OR4A47: variants seen among roughly 807,000 people sequenced by gnomAD.
The protein encoded by OR4A47 is olfactory receptor 4A47.
OR4A47 carries 19 observed loss-of-function variants against 16.2 expected under a neutral mutation model. That is an observed-to-expected ratio of 1.17 (90% CI 0.82 to 1.72). The LOEUF (loss-of-function observed/expected upper bound fraction) is 1.72, where lower values mean the gene tolerates loss of function less well. Ranked by LOEUF, OR4A47 falls within the 40% of genes most tolerant of loss-of-function variation. The pLI is 0.00. For missense variants in OR4A47, 460 were observed against 361.1 expected, an observed-to-expected ratio of 1.27 and a Z score of -2.22; for synonymous variants, 180 against 136.0, an observed-to-expected ratio of 1.32 and a Z score of -2.25.
Position 48,489,333 on chromosome 11 carries a change from C to A in OR4A47, c.541C>A (p.Pro181Thr). Reference sequence around the variant, plus strand: ...TGATCATTTTTTCTGTGACATGTATCCCTTATTGAAACTGGTCTGCACTGA... The same window carrying A: ...TGATCATTTTTTCTGTGACATGTATACCTTATTGAAACTGGTCTGCACTGA... ...VIDHFFCDMY[P>T]LLKLVCTDTH... The change falls in exon 1 of 1, where the codon CCC becomes ACC. Residue 181 changes from proline (P) to threonine (T), a missense_variant. Transcript: ENST00000446524. 6.2e-7 allele frequency: 1 copy of A among 1,613,800 alleles called. No homozygotes were observed. Among genetic ancestry groups the A allele is most frequent in the African/African-American group, 1.3e-5 (1 of 74,994 alleles).
chr11:48,489,697 G>A lies in OR4A47; in HGVS notation c.905G>A (p.Arg302Lys), dbSNP rs763602585. The A allele has an allele frequency of 3.7e-6, 6 of 1,608,444 alleles. No individual in the cohort carries two copies. The East Asian group carries it at 8.9e-5, about 24-fold the overall frequency. Residue 302 changes from arginine (R) to lysine (K), a missense_variant, in exon 1 of 1, where the codon AGA becomes AAA. Transcript: ENST00000446524. The part of the protein sequence containing the change: ...MTSAMKKLWR[R>K]DLISSST Reference sequence around the variant, plus strand: ...AGTGCTATGAAGAAGCTCTGGAGAAGAGACCTCATATCAAGTAGTACATAA... The same window carrying A: ...AGTGCTATGAAGAAGCTCTGGAGAAAAGACCTCATATCAAGTAGTACATAA...
rs1414979135 is a variant in OR4A47, at chr11:48,489,145, A to G, written c.353A>G (p.Tyr118Cys). 2 of 1,613,812 alleles carry G rather than the reference A, an allele frequency of 1.2e-6. No homozygotes were observed. Among genetic ancestry groups the G allele is most frequent in the East Asian group, 2.2e-5 (1 of 44,872 alleles). Residue 118 changes from tyrosine to cysteine, a missense_variant, in exon 1 of 1, where the codon TAT (tyrosine) becomes TGT (cysteine). Coordinates refer to ENST00000446524, the MANE Select transcript of OR4A47 (RefSeq NM_001005512.2). ...GTCTTTCTCCTGTTGGTGATGGCCT[A>G]TGACTGCTATGTGGCCATCTGTAAG... ...SEVFLLLVMA[Y>C]DCYVAICKPL... is the part of the protein sequence containing the mutation.
Position 48,489,354 on chromosome 11 carries a change from A to G in OR4A47, c.562A>G (p.Thr188Ala). The G allele has an allele frequency of 3.1e-6, 5 of 1,613,798 alleles. No homozygotes were observed. The highest frequency in any genetic ancestry group is 4.2e-6 in the Non-Finnish European group (5 of 1,179,844). The change falls in exon 1 of 1, where the codon ACT becomes GCT. Residue 188 changes from threonine (T) to alanine (A), a missense_variant. Transcript: ENST00000446524. ...DMYPLLKLVCTDTHAIGLLVV... is the reference protein window; with the variant it reads ...DMYPLLKLVCADTHAIGLLVV... ...GTATCCCTTATTGAAACTGGTCTGC[A>G]CTGACACCCATGCTATTGGCCTCTT... is the stretch of plus-strand genomic sequence containing the variant.
chr11:48,489,009 T>C lies in OR4A47; in HGVS notation c.217T>C (p.Ser73Pro). ...ATCATTTATAGATATCATTTATTCT[T>C]CATCCATTTCCCCCAGATTGATTTC... ...GLSFIDIIYS[S>P]SISPRLISGL... The change falls in exon 1 of 1, where the codon TCA (serine) becomes CCA (proline). Residue 73 changes from serine to proline, a missense_variant. Transcript: ENST00000446524. 15 of 1,613,860 alleles carry C rather than the reference T, an allele frequency of 9.3e-6. No homozygotes were observed. Among genetic ancestry groups the C allele is most frequent in the Non-Finnish European group, 1.3e-5 (15 of 1,179,808 alleles).
At position 48,489,493 on chromosome 11, in the gene OR4A47, C is replaced by T. The variant is rs115159327; in HGVS notation, c.701C>T (p.Ala234Val). The T allele has an allele frequency of 1.5e-3, 2,472 of 1,613,800 alleles. 40 individuals are homozygous for T. The African/African-American group carries it at 0.029, about 19-fold the overall frequency. Residue 234 changes from alanine to valine, a missense_variant, in exon 1 of 1, where the codon GCC becomes GTC. By Grantham distance (64) the Ala-to-Val change is moderately conservative. Coordinates refer to ENST00000446524, the MANE Select transcript of OR4A47 (RefSeq NM_001005512.2). ...CTTAGTCAGAAAGGGAGGCAAAAAG[C>T]CCTCTCAACCTGCAGTTCCCACATG... The part of the protein sequence containing the change: ...KNLSQKGRQK[A>V]LSTCSSHMTV...
Position 48,488,990 on chromosome 11 carries a change from T to A in OR4A47, c.198T>A (p.Phe66Leu). 6.2e-7 allele frequency: 1 copy of A among 1,613,886 alleles called. No homozygotes were observed. Among genetic ancestry groups the A allele is most frequent in the Non-Finnish European group, 8.5e-7 (1 of 1,179,832 alleles). ...ACTTCTTTCTTGCTGGCTTATCATT[T>A]ATAGATATCATTTATTCTTCATCCA... Reference protein sequence around the residue: ...PMYFFLAGLSFIDIIYSSSIS... With the variant: ...PMYFFLAGLSLIDIIYSSSIS... The change falls in exon 1 of 1, where the codon TTT becomes TTA. Residue 66 changes from phenylalanine (F) to leucine (L), a missense_variant. Phe to Leu is a conservative substitution (Grantham distance 22). Transcript: ENST00000446524.
rs145304413 is a variant in OR4A47, at chr11:48,489,030, A to G, written c.238A>G (p.Ile80Val). ...TTCTTCATCCATTTCCCCCAGATTG[A>G]TTTCAGGCTTGTTCTTTGGGAATAA... ...IYSSSISPRL[I>V]SGLFFGNNSI... Residue 80 changes from isoleucine (I) to valine (V), a missense_variant, in exon 1 of 1, where the codon ATT (isoleucine) becomes GTT (valine). Coordinates refer to ENST00000446524, the MANE Select transcript of OR4A47 (RefSeq NM_001005512.2). The G allele has an allele frequency of 1.9e-6, 3 of 1,613,502 alleles. No homozygotes were observed. In the African/African-American group the frequency reaches 4.0e-5, roughly 22 times the overall value.
chr11:48,489,062 A>G lies in OR4A47; in HGVS notation c.270A>G (p.Ile90Met), dbSNP rs2134578183. 6.2e-7 allele frequency: 1 copy of G among 1,613,648 alleles called. No homozygotes were observed. ...ISGLFFGNNS[I>M]SFQSCMAQLF... ...GCTTGTTCTTTGGGAATAATTCCAT[A>G]TCCTTCCAATCTTGCATGGCCCAGC... Residue 90 changes from isoleucine to methionine, a missense_variant, in exon 1 of 1, where the codon ATA becomes ATG. Physicochemically the swap from Ile to Met is conservative, Grantham distance 10. Transcript: ENST00000446524.
Position 48,489,257 on chromosome 11 carries a change from A to T in OR4A47, c.465A>T (p.Val155=), listed in dbSNP as rs1231349950. The T allele has an allele frequency of 5.0e-6, 8 of 1,613,584 alleles. No homozygotes were observed. In the South Asian group the frequency reaches 8.8e-5, roughly 18 times the overall value. ...VSWVGGFLHS[V]FQLSIIYGLP... is the part of the protein sequence containing the mutation. ...GGGTTGGAGGATTTCTGCACTCAGT[A>T]TTTCAACTTAGCATTATTTATGGGC... The change falls in exon 1 of 1, where the codon GTA becomes GTT. Residue 155 remains valine (V), a synonymous_variant. Coordinates refer to ENST00000446524, the MANE Select transcript of OR4A47 (RefSeq NM_001005512.2).
In OR4A47 at chr11:48,489,335, C is replaced by A; in HGVS notation, c.543C>A (p.Pro181=). 6.2e-7 allele frequency: 1 copy of A among 1,613,874 alleles called. No homozygotes were observed. Among genetic ancestry groups the A allele is most frequent in the Non-Finnish European group, 8.5e-7 (1 of 1,179,836 alleles). ...ATCATTTTTTCTGTGACATGTATCC[C>A]TTATTGAAACTGGTCTGCACTGACA... ...VIDHFFCDMY[P]LLKLVCTDTH... Residue 181 remains proline, a synonymous_variant, in exon 1 of 1, where the codon CCC becomes CCA. Transcript: ENST00000446524.
chr11:48,489,228 T>C lies in OR4A47; in HGVS notation c.436T>C (p.Ser146Pro), dbSNP rs542663835. ...GGTGTGTGTTGTGCTGCTGGTAGTG[T>C]CCTGGGTTGGAGGATTTCTGCACTC... ...QWVCVVLLVV[S>P]WVGGFLHSVF... is the part of the protein sequence containing the mutation. Residue 146 changes from serine (S) to proline (P), a missense_variant, in exon 1 of 1, where the codon TCC becomes CCC. Ser to Pro is a moderately conservative substitution (Grantham distance 74). Transcript: ENST00000446524. 2 of 1,613,792 alleles carry C rather than the reference T, an allele frequency of 1.2e-6. No individual in the cohort carries two copies. The highest frequency in any genetic ancestry group is 4.5e-5 in the East Asian group (2 of 44,850).
At position 48,489,339 on chromosome 11, in the gene OR4A47, T is replaced by G; in HGVS notation, c.547T>G (p.Leu183Val). 6.2e-7 allele frequency: 1 copy of G among 1,613,914 alleles called. No homozygotes were observed. The highest frequency in any genetic ancestry group is 8.5e-7 in the Non-Finnish European group (1 of 1,179,834). ...DHFFCDMYPL[L>V]KLVCTDTHAI... is the part of the protein sequence containing the mutation. Reference sequence around the variant, plus strand: ...TTTTTTCTGTGACATGTATCCCTTATTGAAACTGGTCTGCACTGACACCCA... The same window carrying G: ...TTTTTTCTGTGACATGTATCCCTTAGTGAAACTGGTCTGCACTGACACCCA... The change falls in exon 1 of 1, where the codon TTG (leucine) becomes GTG (valine). Residue 183 changes from leucine (L) to valine (V), a missense_variant. Physicochemically the swap from Leu to Val is conservative, Grantham distance 32. Coordinates refer to ENST00000446524, the MANE Select transcript of OR4A47 (RefSeq NM_001005512.2).
At position 48,489,326 on chromosome 11, in the gene OR4A47, C is replaced by A. The variant is rs748523338; in HGVS notation, c.534C>A (p.Asp178Glu). 1.9e-6 allele frequency: 3 copies of A among 1,613,888 alleles called. No individual in the cohort carries two copies. Among genetic ancestry groups the A allele is most frequent in the East Asian group, 2.2e-5 (1 of 44,868 alleles). ...GPNVIDHFFC[D>E]MYPLLKLVCT... ...ATGTCATTGATCATTTTTTCTGTGACATGTATCCCTTATTGAAACTGGTCT... is the reference window on the plus strand; with the variant it reads ...ATGTCATTGATCATTTTTTCTGTGAAATGTATCCCTTATTGAAACTGGTCT... The change falls in exon 1 of 1, where the codon GAC becomes GAA. Residue 178 changes from aspartate (D) to glutamate (E), a missense_variant. Physicochemically the swap from Asp to Glu is conservative, Grantham distance 45. Transcript: ENST00000446524.
At position 48,489,184 on chromosome 11, in the gene OR4A47, T is replaced by C; in HGVS notation, c.392T>C (p.Leu131Ser). 6.2e-7 allele frequency: 1 copy of C among 1,613,928 alleles called. No individual in the cohort carries two copies. Among genetic ancestry groups the C allele is most frequent in the Non-Finnish European group, 8.5e-7 (1 of 1,179,914 alleles). Residue 131 changes from leucine (L) to serine (S), a missense_variant, in exon 1 of 1, where the codon TTG (leucine) becomes TCG (serine). Physicochemically the swap from Leu to Ser is moderately radical, Grantham distance 145. Coordinates refer to ENST00000446524, the MANE Select transcript of OR4A47 (RefSeq NM_001005512.2). ...GCCATCTGTAAGCCCTTGCATTATTTGGTTATCATGAGACAATGGGTGTGT... is the reference window on the plus strand; with the variant it reads ...GCCATCTGTAAGCCCTTGCATTATTCGGTTATCATGAGACAATGGGTGTGT... ...YVAICKPLHY[L>S]VIMRQWVCVV... is the part of the protein sequence containing the mutation.
At position 48,489,561 on chromosome 11, in the gene OR4A47, G is replaced by T. The variant is rs1235008557; in HGVS notation, c.769G>T (p.Ala257Ser). 5 of 1,613,818 alleles carry T rather than the reference G, an allele frequency of 3.1e-6. No individual in the cohort carries two copies. In the Admixed American group the frequency reaches 5.0e-5, roughly 16 times the overall value. The change falls in exon 1 of 1, where the codon GCT becomes TCT. Residue 257 changes from alanine (A) to serine (S), a missense_variant. Transcript: ENST00000446524. ...FFFVPCIFMY[A>S]RPARTFPIDK... ...CTTTGTTCCTTGTATTTTTATGTAT[G>T]CTAGACCTGCTAGGACCTTCCCCAT... is the stretch of plus-strand genomic sequence containing the variant.
Position 48,489,456 on chromosome 11 carries a change from T to A in OR4A47, c.664T>A (p.Ser222Thr), listed in dbSNP as rs763200828. ...CATCTCTTATGGTGTCATCTTGCACTCTTTAAAGAACCTTAGTCAGAAAGG... is the reference window on the plus strand; with the variant it reads ...CATCTCTTATGGTGTCATCTTGCACACTTTAAAGAACCTTAGTCAGAAAGG... ...LLISYGVILH[S>T]LKNLSQKGRQ... The change falls in exon 1 of 1, where the codon TCT (serine) becomes ACT (threonine). Residue 222 changes from serine to threonine, a missense_variant. Transcript: ENST00000446524. The A allele has an allele frequency of 3.7e-6, 6 of 1,613,858 alleles. No homozygotes were observed. Among genetic ancestry groups the A allele is most frequent in the South Asian group, 3.3e-5 (3 of 91,064 alleles).
Position 48,489,112 on chromosome 11 carries a change from G to A in OR4A47, c.320G>A (p.Gly107Glu). ...CTCTTTATCGAGCACATTTTCGGTGGGTCAGAGGTCTTTCTCCTGTTGGTG... is the reference window on the plus strand; with the variant it reads ...CTCTTTATCGAGCACATTTTCGGTGAGTCAGAGGTCTTTCTCCTGTTGGTG... ...AQLFIEHIFG[G>E]SEVFLLLVMA... is the part of the protein sequence containing the mutation. The change falls in exon 1 of 1, where the codon GGG becomes GAG. Residue 107 changes from glycine to glutamate, a missense_variant. By Grantham distance (98) the Gly-to-Glu change is moderately conservative. Coordinates refer to ENST00000446524, the MANE Select transcript of OR4A47 (RefSeq NM_001005512.2). 5.0e-6 allele frequency: 8 copies of A among 1,613,770 alleles called. No individual in the cohort carries two copies. The highest frequency in any genetic ancestry group is 1.7e-4 in the Middle Eastern group (1 of 6,060).
chr11:48,489,604 T>C lies in OR4A47; in HGVS notation c.812T>C (p.Val271Ala), dbSNP rs772406591. 1.5e-5 allele frequency: 25 copies of C among 1,613,534 alleles called. No individual in the cohort carries two copies. Among genetic ancestry groups the C allele is most frequent in the Non-Finnish European group, 2.1e-5 (25 of 1,179,748 alleles). The change falls in exon 1 of 1, where the codon GTG becomes GCG. Residue 271 changes from valine (V) to alanine (A), a missense_variant. Coordinates refer to ENST00000446524, the MANE Select transcript of OR4A47 (RefSeq NM_001005512.2). Reference sequence around the variant, plus strand: ...TTCCCCATTGACAAATCAGTGAGTGTGTTTTATACAGTCATAACCCCAATG... The same window carrying C: ...TTCCCCATTGACAAATCAGTGAGTGCGTTTTATACAGTCATAACCCCAATG... ...RTFPIDKSVS[V>A]FYTVITPMLN...
chr11:48,489,425 C>G lies in OR4A47; in HGVS notation c.633C>G (p.Leu211=). 3 of 1,613,812 alleles carry G rather than the reference C, an allele frequency of 1.9e-6. No individual in the cohort carries two copies. Among genetic ancestry groups the G allele is most frequent in the Non-Finnish European group, 2.5e-6 (3 of 1,179,848 alleles). Residue 211 remains leucine, a synonymous_variant, in exon 1 of 1, where the codon CTC becomes CTG. Coordinates refer to ENST00000446524, the MANE Select transcript of OR4A47 (RefSeq NM_001005512.2). ...TGGCTTGCACTATTGTGTTTCTGCT[C>G]TTACTCATCTCTTATGGTGTCATCT... ...GGLACTIVFL[L]LLISYGVILH...
Sources: gnomAD v4.1 joint callset for allele counts on GRCh38, gnomAD v4.1.1 for gene constraint, MANE v1.5 for transcripts, NCBI Gene and HGNC (gene_info 2026-07-23, HGNC 2026-07-21) for gene names.